Variants in PLXNA3 observed in about 807,000 individuals in gnomAD.
PLXNA3 encodes the protein plexin-A3.
In PLXNA3, 52 loss-of-function variants were observed where a neutral mutation model predicts 118.8. That is an observed-to-expected ratio of 0.44 (90% confidence interval 0.35 to 0.55). PLXNA3 has a LOEUF of 0.55. PLXNA3 is among the 20% of genes least tolerant of loss of function. The pLI, the probability that PLXNA3 is intolerant of heterozygous loss-of-function variation, is 0.01. For synonymous variants in PLXNA3, 925 were observed against 762.4 expected, an observed-to-expected ratio of 1.21 and a Z score of -3.51; for missense variants, 1,660 against 1,730.8, an observed-to-expected ratio of 0.96 and a Z score of 0.73.
At position 154,474,027 on chromosome X, in the gene PLXNA3, G is replaced by T. The variant is rs2069218169; in HGVS notation, c.*1342G>T. The T allele has an allele frequency of 8.9e-6, 1 of 112,058 alleles. No individual in the cohort carries two copies. The highest frequency in any genetic ancestry group is 1.9e-5 in the Non-Finnish European group (1 of 53,212). 9.2% of individuals were successfully genotyped at this position (112,058 alleles called of 1,213,427 possible). Reference sequence around the variant, plus strand: ...CCTCCGGCGGTTTCAGCTGCAGCCAGCTCCTTCAAAACCTGACAATTGCAT... The same window carrying T: ...CCTCCGGCGGTTTCAGCTGCAGCCATCTCCTTCAAAACCTGACAATTGCAT... On this transcript the variant is annotated 3_prime_UTR_variant, in exon 33 of 33. Transcript: ENST00000369682.
rs1557209097 is a variant in PLXNA3, at chrX:154,470,478, A to G, written c.5023A>G (p.Thr1675Ala). The change falls in exon 30 of 33, where the codon ACA becomes GCA. Residue 1675 changes from threonine to alanine, a missense_variant. Thr to Ala is a moderately conservative substitution (Grantham distance 58). This residue lies in a region of PLXNA3 where 869 missense variants were observed against 1,078.7 expected (regional missense o/e 0.81). Coordinates refer to ENST00000369682, the MANE Select transcript of PLXNA3 (RefSeq NM_017514.5). ...GAAGTTCGTGGATGACCTCTTTGAGACAGTGTTCAGCACAGCCCACCGGGG... is the reference window on the plus strand; with the variant it reads ...GAAGTTCGTGGATGACCTCTTTGAGGCAGTGTTCAGCACAGCCCACCGGGG... ...LQKFVDDLFE[T>A]VFSTAHRGSA... The G allele has an allele frequency of 6.6e-6, 8 of 1,211,278 alleles. No homozygotes were observed. The highest frequency in any genetic ancestry group is 7.8e-6 in the Non-Finnish European group (7 of 895,206).
In PLXNA3 at chrX:154,461,242, G is replaced by A; in HGVS notation, c.738G>A (p.Gln246=). 8.2e-7 allele frequency: 1 copy of A among 1,212,526 alleles called. No homozygotes were observed. Among genetic ancestry groups the A allele is most frequent in the South Asian group, 1.8e-5 (1 of 57,080 alleles). The change falls in exon 3 of 33, where the codon CAG becomes CAA. Residue 246 remains glutamine, a synonymous_variant. Coordinates refer to ENST00000369682, the MANE Select transcript of PLXNA3 (RefSeq NM_017514.5). The part of the protein sequence containing the change: ...VYFLTLQLDT[Q]QTLLDTAGEK... Reference sequence around the variant, plus strand: ...TCCTGACGCTGCAGCTGGACACCCAGCAGACGCTGTTGGACACAGCGGGCG... The same window carrying A: ...TCCTGACGCTGCAGCTGGACACCCAACAGACGCTGTTGGACACAGCGGGCG...
chrX:154,461,879 C>T (rs1557204728), intron 3 of PLXNA3, among the ~76,000 whole-genome samples: 1 of 112,244 alleles, frequency 8.9e-6, no homozygotes, highest in East Asian at 2.8e-4. Flanking sequence ...TGCTCCGTCT[C>T]CCGGTTGCCC....
chrX:154,462,252 A>G lies in PLXNA3; in HGVS notation c.1259A>G (p.Tyr420Cys). ...STDGMASVAAYTYRQHSVVFI... is the reference protein window; with the variant it reads ...STDGMASVAACTYRQHSVVFI... ...GACGGCATGGCCAGCGTGGCCGCCT[A>G]CACCTACCGCCAGCACTCTGTGGTC... The change falls in exon 4 of 33, where the codon TAC becomes TGC. Residue 420 changes from tyrosine (Y) to cysteine (C), a missense_variant. Physicochemically the swap from Tyr to Cys is radical, Grantham distance 194 (BLOSUM62 -2). Coordinates refer to ENST00000369682, the MANE Select transcript of PLXNA3 (RefSeq NM_017514.5). 8.4e-7 allele frequency: 1 copy of G among 1,192,333 alleles called. No individual in the cohort carries two copies. Among genetic ancestry groups the G allele is most frequent in the Non-Finnish European group, 1.1e-6 (1 of 884,834 alleles).
chrX:154,462,470 G>A (rs1557205134), intron 4 of PLXNA3, among the ~76,000 whole-genome samples, 160 bp downstream of exon 4: 1 of 112,055 alleles, frequency 8.9e-6, no homozygotes, highest in Non-Finnish European at 1.9e-5. Flanking sequence ...GCCTGGCCCT[G>A]CTCCTCGGGT....
chrX:154,468,425 C>T lies in PLXNA3; in HGVS notation c.4086C>T (p.Gly1362=), dbSNP rs1453611700. 3 of 1,211,227 alleles carry T rather than the reference C, an allele frequency of 2.5e-6. No homozygotes were observed. The highest frequency in any genetic ancestry group is 3.4e-6 in the Non-Finnish European group (3 of 895,484). Residue 1362 remains glycine (G), a synonymous_variant, in exon 23 of 33, where the codon GGC becomes GGT. Transcript: ENST00000369682. ...GCAGCTTCTCCATGCGCGACCGCGGCACCGTGGCCTCGCTCACCATGGTGG... is the reference window on the plus strand; with the variant it reads ...GCAGCTTCTCCATGCGCGACCGCGGTACCGTGGCCTCGCTCACCATGGTGG... ...AQSSFSMRDR[G]TVASLTMVAL...
In PLXNA3 at chrX:154,460,742, A is replaced by G. The variant is rs782420554; in HGVS notation, c.559A>G (p.Ile187Val). ...CCCCACCTTGAGCTCCCGCAAGCTC[A>G]TCAGTGATGAAGACAGCGCGGACAT... ...YFPTLSSRKL[I>V]SDEDSADMFS... is the part of the protein sequence containing the mutation. Residue 187 changes from isoleucine (I) to valine (V), a missense_variant, in exon 2 of 33, where the codon ATC (isoleucine) becomes GTC (valine). Transcript: ENST00000369682. 1.3e-5 allele frequency: 15 copies of G among 1,131,118 alleles called. No individual in the cohort carries two copies. In the Admixed American group the frequency reaches 4.4e-4, roughly 33 times the overall value. 93.2% of individuals were successfully genotyped at this position (1,131,118 alleles called of 1,213,427 possible).
chrX:154,463,351 C>T, intron 4 of PLXNA3, 40 bp from the exon 5 acceptor site: 1 of 1,209,414 alleles, frequency 8.3e-7, no homozygotes, highest in Non-Finnish European at 1.1e-6. Flanking sequence ...GTCCCAGGTG[C>T]AGGAGGCTGT....
rs186846449 is a variant in PLXNA3 at position 154,473,687 on chromosome X, A to T, written c.*1002A>T. 8.0e-5 allele frequency: 9 copies of T among 112,515 alleles called. No individual in the cohort carries two copies. The highest frequency in any genetic ancestry group is 2.6e-4 in the African/African-American group (8 of 30,968). The allele number at this position is 112,515 out of a possible 1,213,427, so 9.3% of individuals were successfully genotyped here. A position where few individuals can be genotyped will look rare whatever the true frequency, so the allele number is the denominator to read the frequency against. ...TTGGGGCAGGTCAGTAGACCTGTGG[A>T]TGCTGCATGAGCTGGAGCCCCATTG... On this transcript the variant is annotated 3_prime_UTR_variant, in exon 33 of 33. Coordinates refer to ENST00000369682, the MANE Select transcript of PLXNA3 (RefSeq NM_017514.5).
In PLXNA3 at chrX:154,461,344, C is replaced by T. The variant is rs149751983; in HGVS notation, c.840C>T (p.Ile280=). The T allele has an allele frequency of 6.6e-5, 80 of 1,211,544 alleles. No individual in the cohort carries two copies. Among genetic ancestry groups the T allele is most frequent in the South Asian group, 4.6e-4 (26 of 57,009 alleles). Residue 280 remains isoleucine (I), a synonymous_variant, in exon 3 of 33, where the codon ATC becomes ATT. Coordinates refer to ENST00000369682, the MANE Select transcript of PLXNA3 (RefSeq NM_017514.5). ...SEFYSYVEFP[I]GCSWRGVEYR... The stretch of plus-strand genomic sequence containing the variant: ...TCTACTCATACGTGGAATTCCCCAT[C>T]GGCTGCTCCTGGCGCGGCGTGGAGT...
intron 6 of PLXNA3, 50 bp downstream of exon 6, chrX:154,463,740 G>A (rs1557205760): frequency 3.8e-6 from 4 of 1,064,065 alleles, no homozygotes; most frequent in Non-Finnish European, 5.1e-6. Flanking sequence ...CACTGGCCAG[G>A]GGGAGCCAGC....
chrX:154,470,092 T>C lies in PLXNA3; in HGVS notation c.4911T>C (p.His1637=), dbSNP rs146116323. 7.4e-6 allele frequency: 9 copies of C among 1,210,309 alleles called. No homozygotes were observed. In the African/African-American group the frequency reaches 1.6e-4, roughly 21 times the overall value. Residue 1637 remains histidine (H), a synonymous_variant, in exon 29 of 33, where the codon CAT becomes CAC. Transcript: ENST00000369682. ...KLWHLVKNHD[H]ADHREGDRGS... is the part of the protein sequence containing the mutation. ...GGCACCTGGTGAAAAACCACGACCA[T>C]GCCGACCATCGCGAGGGGGACCGTG...
rs782234218 is a variant in PLXNA3, at chrX:154,466,258, C to T, written c.2787C>T (p.Val929=). ...SADFRTQSEQ[V]YSFVTPTFDQ... ...ACTTCCGCACGCAGTCGGAGCAGGT[C>T]TACAGCTTTGTGGTGCGTGGCTGCC... is the stretch of plus-strand genomic sequence containing the variant. Residue 929 remains valine, a synonymous_variant, in exon 15 of 33, where the codon GTC becomes GTT. Coordinates refer to ENST00000369682, the MANE Select transcript of PLXNA3 (RefSeq NM_017514.5). 2.8e-5 allele frequency: 34 copies of T among 1,208,168 alleles called. No individual in the cohort carries two copies. The highest frequency in any genetic ancestry group is 3.7e-5 in the Non-Finnish European group (33 of 895,254).
chrX:154,471,469 A>G lies in PLXNA3; in HGVS notation c.5370-19A>G, dbSNP rs146049808. The G allele has an allele frequency of 4.8e-3, 5,728 of 1,188,343 alleles. 13 individuals carry two copies. Among genetic ancestry groups the G allele is most frequent in the Non-Finnish European group, 5.7e-3 (5,033 of 879,803 alleles). ...GTTTTTGTGATGTCGCCTGAGTGAC[A>G]TACTCAGGGTCCCAACAGGTATTAT... On this transcript the variant is annotated intron_variant, in intron 31 of 32. Transcript: ENST00000369682.
At chrX:154,458,500 G>T (rs1323775613) in intron 1 of PLXNA3, 72 bp downstream of exon 1, 1 of 111,839 alleles carries the variant, frequency 8.9e-6, no homozygotes, top group Admixed American at 9.3e-5. Flanking sequence ...GCAGCCCGGG[G>T]GTCCGGCTCG....
At position 154,466,639 on chromosome X, in the gene PLXNA3, A is replaced by G; in HGVS notation, c.2953A>G (p.Ile985Val). 2.5e-6 allele frequency: 3 copies of G among 1,202,716 alleles called. No individual in the cohort carries two copies. The highest frequency in any genetic ancestry group is 3.4e-6 in the Non-Finnish European group (3 of 891,355). Residue 985 changes from isoleucine to valine, a missense_variant, in exon 17 of 33, where the codon ATC becomes GTC. Ile to Val is a conservative substitution (Grantham distance 29). Coordinates refer to ENST00000369682, the MANE Select transcript of PLXNA3 (RefSeq NM_017514.5). ...CCAATGTAGGAGAGATGCCAAGGCG[A>G]TCGTGTGCATCTCACCTCTCTCCAC... ...CQFVRRDAKA[I>V]VCISPLSTLG... is the part of the protein sequence containing the mutation.
In PLXNA3 at chrX:154,471,144, G is replaced by T; in HGVS notation, c.5196G>T (p.Pro1732=). 1.7e-6 allele frequency: 2 copies of T among 1,211,069 alleles called. No homozygotes were observed. Among genetic ancestry groups the T allele is most frequent in the Non-Finnish European group, 2.2e-6 (2 of 895,140 alleles). Residue 1732 remains proline, a synonymous_variant, in exon 31 of 33, where the codon CCG becomes CCT. Coordinates refer to ENST00000369682, the MANE Select transcript of PLXNA3 (RefSeq NM_017514.5). ...LRFWVNVIKN[P]QFVFDIHKNS... ...TCTGGGTGAATGTGATCAAGAACCC[G>T]CAGTTCGTGTTCGACATCCACAAGA...
intron 1 of PLXNA3, among the ~76,000 whole-genome samples, chrX:154,459,158 C>A (rs1008672146): frequency 5.3e-4 from 45 of 85,402 alleles, no homozygotes; most frequent in African/African-American, 3.6e-3. Flanking sequence ...CCCTGCACCA[C>A]CCCCCGCTCC....
intron 4 of PLXNA3, 144 bp downstream of exon 4, chrX:154,462,454 C>G (rs1266522034): frequency 2.2e-6 from 1 of 460,085 alleles, no homozygotes; most frequent in Non-Finnish European, 3.3e-6. Flanking sequence ...TGGCTGGGTC[C>G]CAGGCGCCTG....
Sources: allele counts gnomAD v4.1 joint callset (sites outside exome capture counted in the v4.1 genomes callset), GRCh38; gene constraint gnomAD v4.1.1; regional missense constraint gnomAD v4.1.1; transcripts MANE v1.5; gene names NCBI Gene and HGNC (gene_info 2026-07-23, HGNC 2026-07-21).